DPF3: variants seen among roughly 807,000 people sequenced by gnomAD.
DPF3 encodes double PHD fingers 3, also known as zinc finger protein DPF3.
DPF3 carries 18 observed loss-of-function variants against 56.8 expected under a neutral mutation model. The ratio of observed to expected loss-of-function variants is 0.32; its 90% CI spans 0.22 to 0.47. DPF3 has a LOEUF of 0.47. Ranked by LOEUF, DPF3 falls within the 20% of genes least tolerant of loss-of-function variation. The probability of loss-of-function intolerance (pLI) is 1.00; values close to 1 mark genes in which losing one functional copy is unlikely to be tolerated. For synonymous variants in DPF3, 188 were observed against 180.2 expected, an observed-to-expected ratio of 1.04 and a Z score of -0.35; for missense variants, 403 against 488.8, an observed-to-expected ratio of 0.82 and a Z score of 1.65.
chr14:72,694,200 C>T lies in DPF3; in HGVS notation c.605-987G>A, dbSNP rs1237863231. 2.0e-5 allele frequency among the ~76,000 whole-genome samples: 3 copies of T among 152,324 alleles called. No individual in the cohort carries two copies. The East Asian group carries it at 5.8e-4, about 29-fold the overall frequency. On this transcript the variant is annotated intron_variant, in intron 6 of 10. Coordinates refer to ENST00000556509, the MANE Select transcript of DPF3 (RefSeq NM_001280542.3). ...CCCCACATAGGGATCATTATCTCGG[C>T]CCCTAGGGGGACGGCATTGCTGGTA...
chr14:72,802,710 C>T (rs2140003483), intron 1 of DPF3, among the ~76,000 whole-genome samples: 1 of 152,278 alleles, frequency 6.6e-6, no homozygotes, highest in South Asian at 2.1e-4. Context: ...AAAGGGAATA[C>T]ATTTGTATAT....
At chr14:72,745,870 G>A (rs1054557750) in intron 3 of DPF3, among the ~76,000 whole-genome samples, 2 of 152,152 alleles carry the variant, frequency 1.3e-5, no homozygotes, top group South Asian at 2.1e-4. Flanking sequence ...AATACTGTCC[G>A]AGTTAGCCCT....
chr14:72,638,926 C>T (rs1885464591), intron 8 of DPF3, among the ~76,000 whole-genome samples: 1 of 151,260 alleles, frequency 6.6e-6, no homozygotes, highest in Admixed American at 6.6e-5. Context: ...ACGCCATTCT[C>T]CTGCCTCAGC....
intron 1 of DPF3, among the ~76,000 whole-genome samples, chr14:72,882,601 G>A (rs552472177): frequency 2.6e-5 from 4 of 152,268 alleles, no homozygotes; most frequent in South Asian, 4.1e-4. Context: ...AGAAGCAGCC[G>A]CCTGTTAATT....
intron 3 of DPF3, among the ~76,000 whole-genome samples, chr14:72,747,885 T>C (rs1890391613): frequency 6.6e-6 from 1 of 152,190 alleles, no homozygotes; most frequent in Non-Finnish European, 1.5e-5. Flanking sequence ...TGCTCCTCTT[T>C]GTCTCCCCAG....
chr14:72,777,735 A>T (rs1599432381), intron 1 of DPF3, among the ~76,000 whole-genome samples: 1 of 150,358 alleles, frequency 6.7e-6, no homozygotes, highest in Admixed American at 6.6e-5. Context: ...CTCCCTGCTG[A>T]CTCTCTCTCT....
intron 8 of DPF3, among the ~76,000 whole-genome samples, chr14:72,655,185 C>T (rs1886028416): frequency 6.6e-6 from 1 of 152,178 alleles, no homozygotes; most frequent in African/African-American, 2.4e-5. Flanking sequence ...AAATCAAACA[C>T]AGAGCAAAAT....
At chr14:72,666,010 AAT>A (rs1187420192) in intron 8 of DPF3, among the ~76,000 whole-genome samples, 1 of 152,238 alleles carries the variant, frequency 6.6e-6, no homozygotes, top group Non-Finnish European at 1.5e-5. Context: ...TTCTGACAGG[AAT>A]CTTCCATCAT....
intron 1 of DPF3, among the ~76,000 whole-genome samples, chr14:72,794,477 G>T (rs938565085): frequency 6.6e-6 from 1 of 152,210 alleles, no homozygotes; most frequent in African/African-American, 2.4e-5. Context: ...AGCCAGCGGG[G>T]TCAGCAGTCA....
intron 5 of DPF3, among the ~76,000 whole-genome samples, chr14:72,720,811 AAAG>A (rs1207850473): frequency 4.6e-5 from 7 of 152,224 alleles, no homozygotes; most frequent in Admixed American, 1.3e-4. Context: ...TGTGGAAATG[AAAG>A]AAGTTCTGAC....
At chr14:72,637,031 C>T (rs1466560252) in intron 8 of DPF3, among the ~76,000 whole-genome samples, 1 of 152,232 alleles carries the variant, frequency 6.6e-6, no homozygotes, top group Non-Finnish European at 1.5e-5. Context: ...GTCTGTGGCA[C>T]CCAGGAAACA....
chr14:72,730,637 AATAAATTAATAT>A (rs1454448764), intron 4 of DPF3, among the ~76,000 whole-genome samples: 1 of 151,740 alleles, frequency 6.6e-6, no homozygotes, highest in East Asian at 1.9e-4. Flanking sequence ...TTGTAGTTTT[AATAAATTAATAT>A]ATAAATTAAT....
intron 1 of DPF3, among the ~76,000 whole-genome samples, chr14:72,851,093 C>T (rs1289115360): frequency 6.6e-6 from 1 of 152,156 alleles, no homozygotes; most frequent in Non-Finnish European, 1.5e-5. Flanking sequence ...CTCTAAAGAC[C>T]TGTGCTGAGA....
At chr14:72,849,631 A>C (rs1405555617) in intron 1 of DPF3, among the ~76,000 whole-genome samples, 10 of 151,898 alleles carry the variant, frequency 6.6e-5, no homozygotes, top group Non-Finnish European at 1.5e-5. Flanking sequence ...CTTCATCCTC[A>C]TGGCCATTCT....
intron 1 of DPF3, among the ~76,000 whole-genome samples, chr14:72,797,105 T>G (rs942472111): frequency 2.0e-5 from 3 of 152,220 alleles, no homozygotes; most frequent in African/African-American, 7.2e-5. Flanking sequence ...AGTTCCAAGC[T>G]CAGGCCTCAA....
chr14:72,805,684 A>G (rs1205741858), intron 1 of DPF3, among the ~76,000 whole-genome samples: 1 of 152,084 alleles, frequency 6.6e-6, no homozygotes. Flanking sequence ...CGTCTCTACT[A>G]AAAATACAAA....
chr14:72,759,391 G>C (rs1243219490), intron 2 of DPF3, among the ~76,000 whole-genome samples: 2 of 152,212 alleles, frequency 1.3e-5, no homozygotes, highest in South Asian at 4.1e-4. Flanking sequence ...GCTGGAGGCT[G>C]GGTGCAGCGG....
chr14:72,651,382 T>TGTCTGCTGTGCACC (rs1164690114), intron 8 of DPF3, among the ~76,000 whole-genome samples: 1 of 152,204 alleles, frequency 6.6e-6, no homozygotes, highest in Non-Finnish European at 1.5e-5. Context: ...TCCTGGGCAC[T>TGTCTGCTGTGCACC]GTCTGCTGTG....
chr14:72,808,269 C>T (rs2140012886), intron 1 of DPF3, among the ~76,000 whole-genome samples: 1 of 152,300 alleles, frequency 6.6e-6, no homozygotes, highest in Non-Finnish European at 1.5e-5. Flanking sequence ...ACATTAATAA[C>T]TTTAATTTTT....
Sources: gnomAD v4.1 joint callset for allele counts (sites outside exome capture counted in the v4.1 genomes callset) on GRCh38, gnomAD v4.1.1 for gene constraint, MANE v1.5 for transcripts, NCBI Gene and HGNC (gene_info 2026-07-23, HGNC 2026-07-21) for gene names.